CLEC4A: variants seen among roughly 807,000 people sequenced by gnomAD.
CLEC4A encodes the protein C-type (calcium dependent, carbohydrate-recognition domain) lectin, superfamily member 6.
A neutral mutation model predicts 32.7 loss-of-function variants in CLEC4A; 27 were observed. The ratio of observed to expected loss-of-function variants is 0.83; its 90% CI spans 0.61 to 1.14. CLEC4A has a LOEUF of 1.14. CLEC4A is among the 50% of genes most tolerant of loss of function. CLEC4A has a pLI of 0.00. For missense variants in CLEC4A, 253 were observed against 274.6 expected, an observed-to-expected ratio of 0.92 and a Z score of 0.55; for synonymous variants, 89 against 93.7, an observed-to-expected ratio of 0.95 and a Z score of 0.29.
chr12:8,105,802 CAT>C, the CLEC4A span, among the ~76,000 whole-genome samples: 35 of 152,268 alleles, frequency 2.3e-4, no homozygotes, highest in South Asian at 7.1e-3. Context: ...TCGTCAGATG[CAT>C]AGTTTACAAA....
At chr12:8,130,992 C>T (rs888133758) in intron 3 of CLEC4A, among the ~76,000 whole-genome samples, 5 of 152,088 alleles carry the variant, frequency 3.3e-5, no homozygotes, top group African/African-American at 1.2e-4. Flanking sequence ...TCAGATTTTC[C>T]TCATATTTGA....
At chr12:8,129,684 G>A (rs1205683957) in intron 3 of CLEC4A, among the ~76,000 whole-genome samples, 7 of 152,174 alleles carry the variant, frequency 4.6e-5, no homozygotes, top group Non-Finnish European at 7.4e-5. Flanking sequence ...CCAGCTACTC[G>A]GGAGGCTGAG....
chr12:8,109,055 G>T, the CLEC4A span, among the ~76,000 whole-genome samples: 1 of 152,128 alleles, frequency 6.6e-6, no homozygotes, highest in African/African-American at 2.4e-5. Context: ...CAGACTCCTG[G>T]TGGCAGGGGA....
At chr12:8,136,654 T>A in intron 4 of CLEC4A, 134 bp from the exon 5 acceptor site, 1 of 553,676 alleles carries the variant, frequency 1.8e-6, no homozygotes, top group Non-Finnish European at 3.3e-6. Flanking sequence ...CAGCCAGAGA[T>A]CCCCATTCCT....
intron 3 of CLEC4A, chr12:8,134,330 A>C (rs190024572): frequency 1.2e-6 from 2 of 1,611,838 alleles, no homozygotes; most frequent in Non-Finnish European, 1.7e-6. Context: ...CACCTTCCCA[A>C]ATAGAACCCC....
chr12:8,134,278 A>C, intron 3 of CLEC4A: 1 of 1,612,574 alleles, frequency 6.2e-7, no homozygotes, highest in Non-Finnish European at 8.5e-7. Flanking sequence ...TCTTGAAGCT[A>C]AGCTGCAGAG....
At chr12:8,127,468 G>A (rs1947921439) in intron 2 of CLEC4A, among the ~76,000 whole-genome samples, 1 of 152,190 alleles carries the variant, frequency 6.6e-6, no homozygotes, top group Non-Finnish European at 1.5e-5. Flanking sequence ...GCAAAGCAGT[G>A]TAGATACAGG....
the CLEC4A span, among the ~76,000 whole-genome samples, chr12:8,113,160 T>C: frequency 1.0e-4 from 14 of 138,654 alleles, no homozygotes; most frequent in East Asian, 6.7e-4. Flanking sequence ...TGTTCCCCTT[T>C]CTGTGTCCAT....
chr12:8,128,546 G>T (rs929467180), intron 2 of CLEC4A, among the ~76,000 whole-genome samples: 4 of 152,036 alleles, frequency 2.6e-5, no homozygotes, highest in Non-Finnish European at 5.9e-5. Flanking sequence ...GAGTAGCTGG[G>T]ATTACAGGCA....
At chr12:8,134,539 T>C in intron 3 of CLEC4A, 2 of 1,613,706 alleles carry the variant, frequency 1.2e-6, no homozygotes, top group Non-Finnish European at 8.5e-7. Flanking sequence ...TCGGAGTTGC[T>C]CTCCACCCCG....
chr12:8,105,295 T>C, the CLEC4A span, among the ~76,000 whole-genome samples: 1 of 152,116 alleles, frequency 6.6e-6, no homozygotes, highest in South Asian at 2.1e-4. Flanking sequence ...GGTATCTTAT[T>C]GTGGTTTTGA....
At chr12:8,116,800 C>G in the CLEC4A span, among the ~76,000 whole-genome samples, 2 of 152,134 alleles carry the variant, frequency 1.3e-5, no homozygotes, top group Non-Finnish European at 2.9e-5. Context: ...ACTTCAGGCT[C>G]TCACTATACC....
intron 1 of CLEC4A, among the ~76,000 whole-genome samples, chr12:8,124,788 G>GA (rs888629591): frequency 5.5e-4 from 84 of 152,134 alleles, no homozygotes; most frequent in Non-Finnish European, 8.5e-4. Context: ...GTTCATTGTA[G>GA]AAAAAATTAA....
At chr12:8,108,671 T>G in the CLEC4A span, among the ~76,000 whole-genome samples, 29 of 152,346 alleles carry the variant, frequency 1.9e-4, 1 homozygote, top group South Asian at 5.6e-3. Context: ...ACTGTCATCT[T>G]CAGTTTCCTT....
upstream of CLEC4A, chr12:8,121,866 A>C (rs970158669): frequency 6.5e-6 from 1 of 152,998 alleles, no homozygotes; most frequent in Non-Finnish European, 1.5e-5. Flanking sequence ...ATGGCTGAGC[A>C]GAGTACTCTA....
chr12:8,127,480 T>C (rs1003106648), intron 2 of CLEC4A, among the ~76,000 whole-genome samples: 1 of 151,296 alleles, frequency 6.6e-6, no homozygotes, highest in African/African-American at 2.4e-5. Flanking sequence ...AGATACAGGG[T>C]ATGTTGAAAG....
chr12:8,104,732 C>G, the CLEC4A span, among the ~76,000 whole-genome samples: 1 of 152,128 alleles, frequency 6.6e-6, no homozygotes, highest in Admixed American at 6.5e-5. Flanking sequence ...CCTTCTCCCC[C>G]TCCCCACTCA....
At chr12:8,116,064 G>A in the CLEC4A span, among the ~76,000 whole-genome samples, 2 of 151,982 alleles carry the variant, frequency 1.3e-5, no homozygotes, top group Non-Finnish European at 2.9e-5. Flanking sequence ...AGGCTCAAGC[G>A]ATTCTTCTGC....
At position 8,135,755 on chromosome 12, in the gene CLEC4A, TG is replaced by T. The variant is rs1565406926; in HGVS notation, c.450+23del. On this transcript the variant is annotated intron_variant, in intron 4 of 5. Transcript: ENST00000229332. ...AGAGCAGGTACTTTCTAATAGATAA[TG>T]GGGCTGTGAGCCCTGCCTGATCTTT... The T allele has an allele frequency of 6.2e-7, 1 of 1,612,584 alleles. No homozygotes were observed.
Sources: allele counts gnomAD v4.1 joint callset (sites outside exome capture counted in the v4.1 genomes callset), GRCh38; gene constraint gnomAD v4.1.1; transcripts MANE v1.5; gene names NCBI Gene and HGNC (gene_info 2026-07-23, HGNC 2026-07-21).